Variants in CNTNAP2 observed in about 807,000 individuals in gnomAD.
The protein encoded by CNTNAP2 is contactin associated protein 2.
A neutral mutation model predicts 155.2 loss-of-function variants in CNTNAP2; 98 were observed. The ratio of observed to expected loss-of-function variants is 0.63; its 90% confidence interval spans 0.54 to 0.75. The LOEUF (loss-of-function observed/expected upper bound fraction) is 0.75. Among genes scored for constraint, CNTNAP2 ranks in the 30% least tolerant of loss-of-function variants. The pLI is 0.00. For synonymous variants in CNTNAP2, 651 were observed against 631.2 expected (o/e 1.03, Z -0.47); for missense variants, 1,727 against 1,688.1 (o/e 1.02, Z -0.40).
intron 21 of CNTNAP2, among the ~76,000 whole-genome samples, chr7:148,353,813 T>G (rs1449496517): frequency 6.6e-6 from 1 of 152,218 alleles, no homozygotes; most frequent in African/African-American, 2.4e-5. Flanking sequence ...AGTACATTTT[T>G]GGGGTACAAA....
chr7:147,288,288 G>A (rs1196759377), intron 8 of CNTNAP2, among the ~76,000 whole-genome samples: 1 of 152,164 alleles, frequency 6.6e-6, no homozygotes, highest in African/African-American at 2.4e-5. Flanking sequence ...TTGCACACAA[G>A]AATATAAGCT....
chr7:146,944,281 A>T (rs1797113560), intron 3 of CNTNAP2, among the ~76,000 whole-genome samples: 1 of 147,438 alleles, frequency 6.8e-6, no homozygotes, highest in South Asian at 2.1e-4. Flanking sequence ...GTTTATTTTT[A>T]AAAATCCATG....
At chr7:146,399,563 T>C (rs908624301) in intron 1 of CNTNAP2, among the ~76,000 whole-genome samples, 2 of 152,214 alleles carry the variant, frequency 1.3e-5, no homozygotes, top group African/African-American at 4.8e-5. Flanking sequence ...TTTCTCCATC[T>C]GTTTATTTGT....
At chr7:147,190,513 A>T (rs1802659664) in intron 8 of CNTNAP2, among the ~76,000 whole-genome samples, 1 of 152,162 alleles carries the variant, frequency 6.6e-6, no homozygotes, top group Admixed American at 6.5e-5. Flanking sequence ...AATTTTTATC[A>T]GTTGTTCTTT....
At chr7:146,745,627 C>T (rs551519658) in intron 1 of CNTNAP2, among the ~76,000 whole-genome samples, 4 of 151,930 alleles carry the variant, frequency 2.6e-5, no homozygotes, top group African/African-American at 7.3e-5. Context: ...ATTAGCCAAG[C>T]GTGGTGGTGC....
intron 1 of CNTNAP2, among the ~76,000 whole-genome samples, chr7:146,574,305 C>T (rs1420986412): frequency 2.0e-5 from 3 of 152,168 alleles, no homozygotes; most frequent in East Asian, 1.9e-4. Context: ...CACACGTTCA[C>T]GCACACATAG....
intron 1 of CNTNAP2, among the ~76,000 whole-genome samples, chr7:146,671,596 C>A (rs1023818494): frequency 6.6e-6 from 1 of 152,072 alleles, no homozygotes; most frequent in Admixed American, 6.6e-5. Flanking sequence ...TCAAATTTCC[C>A]ATACATAAAA....
intron 4 of CNTNAP2, among the ~76,000 whole-genome samples, chr7:147,059,420 T>C (rs1238700385): frequency 1.5e-5 from 2 of 137,750 alleles, no homozygotes; most frequent in African/African-American, 5.5e-5. Context: ...GAGGGGGTTA[T>C]ATGATAATTC....
intron 1 of CNTNAP2, among the ~76,000 whole-genome samples, chr7:146,138,068 C>T (rs1248186946): frequency 2.6e-5 from 4 of 151,980 alleles, no homozygotes; most frequent in African/African-American, 9.6e-5. Context: ...AGGCTAAAGC[C>T]AGATATGTGA....
At position 148,048,948 on chromosome 7, in the gene CNTNAP2, G is replaced by A. The variant is rs563831832; in HGVS notation, c.2384-69170G>A. Among the ~76,000 whole-genome samples, 1,479 of 152,162 alleles carry A rather than the reference G, an allele frequency of 9.7e-3. 26 individuals carry two copies. The highest frequency in any genetic ancestry group is 0.033 in the African/African-American group (1,367 of 41,508). On this transcript the variant is annotated intron_variant, in intron 15 of 23. Transcript: ENST00000361727. The stretch of plus-strand genomic sequence containing the variant: ...GTGGCTAGGCCGGGCGTGGTGGCTC[G>A]TGCCTGTAATCCCAGCACTTTGGGA...
At chr7:146,560,875 A>G (rs984973671) in intron 1 of CNTNAP2, among the ~76,000 whole-genome samples, 2 of 152,074 alleles carry the variant, frequency 1.3e-5, no homozygotes, top group Non-Finnish European at 2.9e-5. Context: ...CTTTCATTTC[A>G]ATTCAAGGGA....
At chr7:146,136,409 G>A (rs1489081563) in intron 1 of CNTNAP2, among the ~76,000 whole-genome samples, 1 of 152,102 alleles carries the variant, frequency 6.6e-6, no homozygotes, top group Non-Finnish European at 1.5e-5. Context: ...ACTTTACCAT[G>A]AACATATTTT....
intron 8 of CNTNAP2, among the ~76,000 whole-genome samples, chr7:147,291,340 G>A (rs1422541398): frequency 6.6e-6 from 1 of 151,674 alleles, no homozygotes; most frequent in Non-Finnish European, 1.5e-5. Context: ...TCCACAACAG[G>A]CCCCGGTGTG....
intron 22 of CNTNAP2, among the ~76,000 whole-genome samples, chr7:148,390,387 T>C (rs1799319528): frequency 6.6e-6 from 1 of 152,174 alleles, no homozygotes; most frequent in South Asian, 2.1e-4. Context: ...ATTATTACTG[T>C]GTTTTGAATT....
At position 147,413,597 on chromosome 7, in the gene CNTNAP2, T is replaced by A. The variant is rs189985374; in HGVS notation, c.1670+17817T>A. Among the ~76,000 whole-genome samples, 13 of 152,330 alleles carry A rather than the reference T, an allele frequency of 8.5e-5. No homozygotes were observed. The East Asian group carries it at 2.5e-3, about 29-fold the overall frequency. On this transcript the variant is annotated intron_variant, in intron 10 of 23. Coordinates refer to ENST00000361727, the MANE Select transcript of CNTNAP2 (RefSeq NM_014141.6). ...TGTATGAAGAATAAATCAATATTTT[T>A]TTGAGAATGAGTATTTTAGTTCAGT...
At chr7:147,031,340 A>G (rs1799028322) in intron 3 of CNTNAP2, among the ~76,000 whole-genome samples, 2 of 152,236 alleles carry the variant, frequency 1.3e-5, no homozygotes, top group Admixed American at 6.5e-5. Context: ...TCAATATCTT[A>G]GAAATTCAAA....
intron 1 of CNTNAP2, among the ~76,000 whole-genome samples, chr7:146,123,813 G>A (rs1003636817): frequency 3.9e-5 from 6 of 152,060 alleles, no homozygotes; most frequent in African/African-American, 1.4e-4. Context: ...AATTAAAGGT[G>A]CTTCTATTTT....
At chr7:147,264,539 G>GT (rs1200542326) in intron 8 of CNTNAP2, among the ~76,000 whole-genome samples, 2 of 149,912 alleles carry the variant, frequency 1.3e-5, no homozygotes, top group Non-Finnish European at 3.0e-5. Flanking sequence ...GGTCCCTGCG[G>GT]GCCTGTGCCC....
At chr7:146,985,308 A>ATTTTTTTTTTTT (rs71165057) in intron 3 of CNTNAP2, among the ~76,000 whole-genome samples, 6 of 127,824 alleles carry the variant, frequency 4.7e-5, no homozygotes, top group African/African-American at 1.9e-4. Context: ...AAATGCTTGA[A>ATTTTTTTTTTTT]TTTTTTTTTT....
Sources: allele counts gnomAD v4.1 joint callset (sites outside exome capture counted in the v4.1 genomes callset), GRCh38; gene constraint gnomAD v4.1.1; transcripts MANE v1.5; gene names NCBI Gene and HGNC (gene_info 2026-07-23, HGNC 2026-07-21).